The following LAMB4 variants were observed in gnomAD, a reference collection of about 807,000 sequenced individuals.
The protein encoded by LAMB4 is laminin subunit beta-4.
Under a neutral mutation model 199.2 loss-of-function variants are expected in LAMB4, and 196 were observed. That is an observed-to-expected ratio of 0.98 (90% CI 0.88 to 1.11). LAMB4 has a LOEUF of 1.11. Ranked by LOEUF, LAMB4 falls within the 50% of genes least tolerant of loss-of-function variation. The probability of loss-of-function intolerance (pLI) is 0.00; values close to 1 mark genes in which losing one functional copy is unlikely to be tolerated. For missense variants in LAMB4, 2,080 were observed against 2,171.2 expected (o/e 0.96, Z 0.83); for synonymous variants, 744 against 770.6 (o/e 0.97, Z 0.57).
intron 4 of LAMB4, 93 bp from the exon 5 acceptor site, chr7:108,109,337 T>C: frequency 4.4e-6 from 4 of 915,580 alleles, no homozygotes; most frequent in South Asian, 4.1e-5. Flanking sequence ...TGTAATAAAA[T>C]CTCTTTGATG....
At chr7:108,100,032 G>A (rs2037763347) in intron 10 of LAMB4, among the ~76,000 whole-genome samples, 1 of 152,124 alleles carries the variant, frequency 6.6e-6, no homozygotes, top group South Asian at 2.1e-4. Context: ...TGGCCAAAAG[G>A]AAAAAGCTAC....
chr7:108,029,347 G>T, intron 32 of LAMB4, 151 bp from the exon 33 acceptor site: 1 of 511,248 alleles, frequency 2.0e-6, no homozygotes, highest in Non-Finnish European at 3.2e-6. Context: ...TTCCGGCAGA[G>T]TTTTATTTGC....
intron 10 of LAMB4, among the ~76,000 whole-genome samples, chr7:108,100,728 AC>A (rs754563346): frequency 6.6e-6 from 1 of 152,178 alleles, no homozygotes; most frequent in Non-Finnish European, 1.5e-5. Context: ...CCCTGATTCT[AC>A]CCAAGAGAGC....
chr7:108,071,796 C>G (rs535362425), intron 17 of LAMB4, among the ~76,000 whole-genome samples: 14 of 152,298 alleles, frequency 9.2e-5, no homozygotes, highest in African/African-American at 3.4e-4. Flanking sequence ...GAACAGATGG[C>G]CCAGCATCCA....
At chr7:108,080,034 C>T (rs757892680) in intron 14 of LAMB4, among the ~76,000 whole-genome samples, 36 of 152,114 alleles carry the variant, frequency 2.4e-4, no homozygotes, top group Admixed American at 5.2e-4. Context: ...TTCCGGGAAG[C>T]GACTTTAATT....
intron 29 of LAMB4, among the ~76,000 whole-genome samples, 184 bp from the exon 30 acceptor site, chr7:108,037,779 G>A (rs1175664975): frequency 6.6e-6 from 1 of 152,182 alleles, no homozygotes; most frequent in Non-Finnish European, 1.5e-5. Flanking sequence ...CTTCTCTCTG[G>A]AAGAAACAGT....
At chr7:108,082,884 C>G (rs2037010154) in intron 14 of LAMB4, among the ~76,000 whole-genome samples, 1 of 152,138 alleles carries the variant, frequency 6.6e-6, no homozygotes, top group South Asian at 2.1e-4. Flanking sequence ...AAGCACCAGT[C>G]TTGTTTCTGC....
chr7:108,066,501 C>A lies in LAMB4; in HGVS notation c.2546G>T (p.Arg849Leu). 6.2e-7 allele frequency: 1 copy of A among 1,614,088 alleles called. No homozygotes were observed. Among genetic ancestry groups the A allele is most frequent in the Non-Finnish European group, 8.5e-7 (1 of 1,179,976 alleles). The change falls in exon 20 of 34, where the codon CGC becomes CTC. Residue 849 changes from arginine to leucine, a missense_variant. Physicochemically the swap from Arg to Leu is moderately radical, Grantham distance 102 (BLOSUM62 -2). Transcript: ENST00000388781. ...AAATCCAAAGTAGCCTGCCAGGCAG[C>A]GATCACAGCGGCGGCCAGACACCTC... ...HGEVSGRRCD[R>L]CLAGYFGFPS...
chr7:108,086,618 G>A (rs1279000432), intron 14 of LAMB4, among the ~76,000 whole-genome samples: 2 of 152,154 alleles, frequency 1.3e-5, no homozygotes, highest in East Asian at 3.9e-4. Context: ...AAACAATTAT[G>A]TCCAGATGTC....
chr7:108,108,008 T>C (rs777668460), intron 5 of LAMB4, among the ~76,000 whole-genome samples, 189 bp from the exon 6 acceptor site: 3 of 152,206 alleles, frequency 2.0e-5, no homozygotes, highest in African/African-American at 7.2e-5. Context: ...TGGCATGATC[T>C]CGGCTCACTG....
intron 29 of LAMB4, among the ~76,000 whole-genome samples, chr7:108,039,640 T>C (rs1433538643): frequency 6.6e-6 from 1 of 152,074 alleles, no homozygotes. Flanking sequence ...AGCTGATTTT[T>C]GTATTTTTAG....
At chr7:108,055,359 G>A (rs1283795406) in intron 25 of LAMB4, among the ~76,000 whole-genome samples, 1 of 152,042 alleles carries the variant, frequency 6.6e-6, no homozygotes, top group Non-Finnish European at 1.5e-5. Context: ...GCTAATATTT[G>A]TATTTTTAGT....
chr7:108,012,765 T>C, the LAMB4 span, among the ~76,000 whole-genome samples: 1 of 152,174 alleles, frequency 6.6e-6, no homozygotes, highest in Non-Finnish European at 1.5e-5. Flanking sequence ...CTCTCTTTTG[T>C]CTCCACATTC....
the LAMB4 span, among the ~76,000 whole-genome samples, chr7:108,011,715 G>A: frequency 9.2e-5 from 14 of 151,980 alleles, no homozygotes; most frequent in East Asian, 2.5e-3. Context: ...CACTGCACTC[G>A]GCCCACTCTC....
intron 12 of LAMB4, among the ~76,000 whole-genome samples, chr7:108,094,130 A>G (rs1197380306): frequency 6.6e-6 from 1 of 152,076 alleles, no homozygotes; most frequent in Non-Finnish European, 1.5e-5. Context: ...CTGTTCAGTT[A>G]TTTTGCTTGC....
chr7:108,098,074 C>T (rs2037681597), intron 11 of LAMB4, among the ~76,000 whole-genome samples: 1 of 152,070 alleles, frequency 6.6e-6, no homozygotes, highest in Non-Finnish European at 1.5e-5. Context: ...AGAGACAGCC[C>T]CAAGCTTTAA....
chr7:108,129,539 C>CTT (rs746971932), intron 1 of LAMB4, among the ~76,000 whole-genome samples: 87 of 141,528 alleles, frequency 6.1e-4, no homozygotes, highest in African/African-American at 2.0e-3. Flanking sequence ...ATAAAGTTTA[C>CTT]TTTTTTTTTT....
chr7:108,084,240 G>T (rs373643491), intron 14 of LAMB4, among the ~76,000 whole-genome samples: 6 of 152,306 alleles, frequency 3.9e-5, no homozygotes, highest in Admixed American at 2.6e-4. Context: ...GCTGTAGTTT[G>T]TCTCACTAGT....
At chr7:108,022,837 G>A (rs143773558), downstream of LAMB4, among the ~76,000 whole-genome samples, 1 of 152,036 alleles carries the variant, frequency 6.6e-6, no homozygotes. Flanking sequence ...TTTTGAGACA[G>A]GGTCTTGCTC....
Sources: allele counts gnomAD v4.1 joint callset (sites outside exome capture counted in the v4.1 genomes callset), GRCh38; gene constraint gnomAD v4.1.1; transcripts MANE v1.5; gene names NCBI Gene and HGNC (gene_info 2026-07-23, HGNC 2026-07-21).